SYT12: variants seen among roughly 807,000 people sequenced by gnomAD.
The protein encoded by SYT12 is synaptotagmin-12.
A neutral mutation model predicts 39.5 loss-of-function variants in SYT12; 27 were observed. That is an observed-to-expected ratio of 0.68 (90% confidence interval 0.50 to 0.94). The LOEUF is 0.94. SYT12 is among the 40% of genes least tolerant of loss of function. The probability of loss-of-function intolerance (pLI) is 0.00; values close to 1 mark genes in which losing one functional copy is unlikely to be tolerated. For missense variants in SYT12, 536 were observed against 572.6 expected (o/e 0.94, Z 0.65); for synonymous variants, 233 against 239.7 (o/e 0.97, Z 0.26).
intron 3 of SYT12, among the ~76,000 whole-genome samples, chr11:67,016,742 G>A (rs1048619384): frequency 2.4e-4 from 36 of 152,196 alleles, no homozygotes; most frequent in African/African-American, 7.9e-4. Flanking sequence ...AGCTATGCTC[G>A]TGCCCATGCA....
chr11:67,017,651 C>T (rs563830549), intron 3 of SYT12, among the ~76,000 whole-genome samples: 11 of 151,326 alleles, frequency 7.3e-5, no homozygotes, highest in Non-Finnish European at 1.3e-4. Context: ...TGAGCCACCT[C>T]GCCCAGCCAC....
rs909552539 is a variant in SYT12 at position 67,023,153 on chromosome 11, G to A, written c.-331G>A. 5.9e-5 allele frequency among the ~76,000 whole-genome samples: 9 copies of A among 152,194 alleles called. No homozygotes were observed. The highest frequency in any genetic ancestry group is 2.2e-4 in the African/African-American group (9 of 41,470). ...TTGGGGATCTCCGGCTCGGACCCCAGGAGCAGAGACAGCGCTCGAGCTTGT... is the reference window on the plus strand; with the variant it reads ...TTGGGGATCTCCGGCTCGGACCCCAAGAGCAGAGACAGCGCTCGAGCTTGT... On this transcript the variant is annotated 5_prime_UTR_variant, in exon 1 of 8. Coordinates refer to ENST00000527043, the MANE Select transcript of SYT12 (RefSeq NM_177963.4).
Position 67,043,620 on chromosome 11 carries a change from T to C in SYT12, c.622-18T>C. The stretch of plus-strand genomic sequence containing the variant: ...CCTCTCAGGCCCCTAGCGCCCTCCA[T>C]GGCCTTTTCTCCTGCAGATCCAGAG... On this transcript the variant is annotated intron_variant, in intron 4 of 7. Transcript: ENST00000527043. 2.5e-6 allele frequency: 4 copies of C among 1,613,596 alleles called. No homozygotes were observed. Among genetic ancestry groups the C allele is most frequent in the Non-Finnish European group, 8.5e-7 (1 of 1,179,698 alleles).
intron 4 of SYT12, 90 bp from the exon 5 acceptor site, chr11:67,043,548 A>G: frequency 8.2e-7 from 1 of 1,225,102 alleles, no homozygotes; most frequent in Non-Finnish European, 1.2e-6. Context: ...CCAGGACTCT[A>G]GCCTGGGCCT....
intron 2 of SYT12, chr11:67,030,694 AAAG>A (rs1166113350): frequency 6.5e-6 from 1 of 152,842 alleles, no homozygotes; most frequent in Non-Finnish European, 1.5e-5. Context: ...TCAGAAAAAA[AAAG>A]AGGCCACCCA....
rs142228907 is a variant in SYT12 at position 67,015,277 on chromosome 11, G to A, written c.-69+4283G>A. On this transcript the variant is annotated intron_variant, in intron 3 of 10. Coordinates refer to the SYT12 transcript ENST00000393946. Reference sequence around the variant, plus strand: ...GGGGGTCGCAACAGGAGGGCAGGGCGGCCAAGGCCAATGCTGGGAGAGCAA... The same window carrying A: ...GGGGGTCGCAACAGGAGGGCAGGGCAGCCAAGGCCAATGCTGGGAGAGCAA... Among the ~76,000 whole-genome samples the A allele has an allele frequency of 1.1e-3, 167 of 152,328 alleles. 1 individual carries two copies. Among genetic ancestry groups the A allele is most frequent in the African/African-American group, 3.8e-3 (156 of 41,576 alleles).
At chr11:67,028,622 T>G (rs1950214115) in intron 1 of SYT12, 1 of 152,186 alleles carries the variant, frequency 6.6e-6, no homozygotes, top group South Asian at 2.1e-4. Context: ...AGCTTTACCC[T>G]CTGATTCGAC....
intron 4 of SYT12, among the ~76,000 whole-genome samples, chr11:67,041,445 T>C (rs1423403196): frequency 6.6e-6 from 1 of 152,198 alleles, no homozygotes; most frequent in Admixed American, 6.5e-5. Context: ...CACTCCAGCC[T>C]GGGCGACAGA....
rs1314448114 is a variant in SYT12 at position 67,050,022 on chromosome 11, A to C, written c.*1265A>C. The C allele has an allele frequency of 6.6e-6, 1 of 152,216 alleles. No individual in the cohort carries two copies. Among genetic ancestry groups the C allele is most frequent in the East Asian group, 1.9e-4 (1 of 5,182 alleles). 9.4% of individuals were successfully genotyped at this position (152,216 alleles called of 1,614,324 possible). On this transcript the variant is annotated 3_prime_UTR_variant, in exon 8 of 8. Coordinates refer to ENST00000527043, the MANE Select transcript of SYT12 (RefSeq NM_177963.4). ...CTTACCAGATCAAGAAAGGGAGCTCAGGCTGGATGGAGGAAGCCACGCAAG... is the reference window on the plus strand; with the variant it reads ...CTTACCAGATCAAGAAAGGGAGCTCCGGCTGGATGGAGGAAGCCACGCAAG...
intron 3 of SYT12, among the ~76,000 whole-genome samples, chr11:67,012,703 T>A (rs1010314560): frequency 1.6e-4 from 25 of 152,318 alleles, no homozygotes; most frequent in African/African-American, 6.0e-4. Context: ...CTGTCACATT[T>A]CAGGGTCTCA....
upstream of SYT12, among the ~76,000 whole-genome samples, chr11:67,020,141 T>C (rs1035476873): frequency 6.6e-6 from 1 of 151,698 alleles, no homozygotes; most frequent in Non-Finnish European, 1.5e-5. Context: ...GAAGAATGAG[T>C]AGGGGCTTTG....
chr11:67,019,778 A>G (rs1266854630), upstream of SYT12, among the ~76,000 whole-genome samples: 7 of 150,786 alleles, frequency 4.6e-5, no homozygotes, highest in Non-Finnish European at 1.0e-4. Flanking sequence ...TGAGCCTGTA[A>G]CCCAGCTACT....
chr11:67,008,968 A>G (rs532548487), intron 1 of SYT12, among the ~76,000 whole-genome samples: 1 of 152,208 alleles, frequency 6.6e-6, no homozygotes, highest in Admixed American at 6.5e-5. Context: ...TGCACTGAGA[A>G]TGGTGCCAGG....
chr11:67,037,128 G>A (rs1339271247), intron 3 of SYT12, among the ~76,000 whole-genome samples: 6 of 151,986 alleles, frequency 3.9e-5, no homozygotes, highest in Admixed American at 6.6e-5. Context: ...GGTGGCAGGC[G>A]CCTGTAATTC....
At chr11:67,030,024 C>A in intron 1 of SYT12, 98 bp from the exon 2 acceptor site, 3 of 1,079,810 alleles carry the variant, frequency 2.8e-6, no homozygotes, top group Non-Finnish European at 4.2e-6. Flanking sequence ...TGAGTGTAAG[C>A]TCTGGATGAC....
At chr11:67,029,348 G>C (rs909697031) in intron 1 of SYT12, 1 of 152,204 alleles carries the variant, frequency 6.6e-6, no homozygotes, top group Admixed American at 6.5e-5. Context: ...GAAGGCTCTG[G>C]CTCAAGCCAG....
chr11:67,007,987 T>C (rs1949984621), intron 1 of SYT12, among the ~76,000 whole-genome samples: 1 of 144,546 alleles, frequency 6.9e-6, no homozygotes, highest in African/African-American at 2.6e-5. Flanking sequence ...AGAGTCTCGC[T>C]CTGTCACCCA....
chr11:67,017,885 A>AGGAGGC (rs2136196809), intron 3 of SYT12, among the ~76,000 whole-genome samples: 1 of 151,896 alleles, frequency 6.6e-6, no homozygotes, highest in East Asian at 2.0e-4. Context: ...ACTTGAACCC[A>AGGAGGC]GGAGGCGGAG....
Position 67,045,886 on chromosome 11 carries a change from G to A in SYT12, c.1092+9G>A, listed in dbSNP as rs1292371855. ...CAGCCATTGTGCTCCAGGTGAGGGG[G>A]GCTGGGGGATGGGAAGGGGCCAGGT... On this transcript the variant is annotated intron_variant, in intron 7 of 7. Coordinates refer to ENST00000527043, the MANE Select transcript of SYT12 (RefSeq NM_177963.4). The A allele has an allele frequency of 1.9e-6, 3 of 1,613,884 alleles. No individual in the cohort carries two copies. In the African/African-American group the frequency reaches 4.0e-5, roughly 22 times the overall value.
Sources: gnomAD v4.1 joint callset for allele counts (sites outside exome capture counted in the v4.1 genomes callset) on GRCh38, gnomAD v4.1.1 for gene constraint, MANE v1.5 for transcripts, NCBI Gene and HGNC (gene_info 2026-07-23, HGNC 2026-07-21) for gene names.